The following SYNJ1 variants were observed in gnomAD, a reference collection of about 807,000 sequenced individuals.
SYNJ1 encodes polyphosphatidylinositol phosphatase SYNJ1.
SYNJ1 carries 78 observed loss-of-function variants against 168.2 expected under a neutral mutation model. The ratio of observed to expected loss-of-function variants is 0.46; its 90% CI spans 0.39 to 0.56. SYNJ1 has a LOEUF of 0.56. SYNJ1 is among the 20% of genes least tolerant of loss of function. The pLI, the probability that SYNJ1 is intolerant of heterozygous loss-of-function variation, is 0.00. For synonymous variants in SYNJ1, 539 were observed against 548.6 expected (o/e 0.98, Z 0.24); for missense variants, 1,303 against 1,597.6 (o/e 0.82, Z 3.14).
At chr21:32,659,756 A>C (rs990675272) in intron 18 of SYNJ1, among the ~76,000 whole-genome samples, 2 of 152,208 alleles carry the variant, frequency 1.3e-5, no homozygotes, top group African/African-American at 4.8e-5. Flanking sequence ...CGATGCTCCC[A>C]GCTGAATAAA....
intron 20 of SYNJ1, 45 bp downstream of exon 20, chr21:32,656,950 GTGTATTTC>G (rs776784376): frequency 4.3e-6 from 7 of 1,610,364 alleles, no homozygotes; most frequent in Non-Finnish European, 5.1e-6. Flanking sequence ...TTTTAAAAGG[GTGTATTTC>G]AAACAAATTT....
At position 32,694,235 on chromosome 21, in the gene SYNJ1, C is replaced by A; in HGVS notation, c.782G>T (p.Gly261Val). 6.5e-7 allele frequency: 1 copy of A among 1,531,032 alleles called. No individual in the cohort carries two copies. Among genetic ancestry groups the A allele is most frequent in the Non-Finnish European group, 8.7e-7 (1 of 1,145,754 alleles). The allele number at this position is 1,531,032 out of a possible 1,614,324, so 94.8% of individuals were successfully genotyped here. A position where few individuals can be genotyped will look rare whatever the true frequency, so the allele number is the denominator to read the frequency against. The change falls in exon 6 of 33, where the codon GGG (glycine) becomes GTG (valine). Residue 261 changes from glycine (G) to valine (V), a missense_variant. By Grantham distance (109) the Gly-to-Val change is moderately radical (BLOSUM62 -3). Transcript: ENST00000674351. ...GSVPLFWEQP[G>V]LQVGSHRVRM... ...TGAATGTCAAACACATACTTGCAAC[C>A]CTGGTTGCTCCCAGAACAATGGAAC...
At chr21:32,727,020 G>T in intron 1 of SYNJ1, 103 bp from the exon 2 acceptor site, 1 of 1,469,304 alleles carries the variant, frequency 6.8e-7, no homozygotes, top group Non-Finnish European at 9.1e-7. Flanking sequence ...TTTGATGGGG[G>T]GTTGGGGTGG....
At chr21:32,673,256 T>G in intron 14 of SYNJ1, 84 bp downstream of exon 14, 1 of 1,203,192 alleles carries the variant, frequency 8.3e-7, no homozygotes, top group Non-Finnish European at 1.1e-6. Context: ...AATTAATGCA[T>G]CCTCTGAAGT....
chr21:32,679,220 C>G (rs2041529873), intron 11 of SYNJ1, among the ~76,000 whole-genome samples: 1 of 151,982 alleles, frequency 6.6e-6, no homozygotes, highest in Admixed American at 6.6e-5. Context: ...GCTTAACTGC[C>G]CCTAGAAAAA....
At chr21:32,708,767 T>C (rs2042708949) in intron 2 of SYNJ1, among the ~76,000 whole-genome samples, 1 of 152,140 alleles carries the variant, frequency 6.6e-6, no homozygotes, top group African/African-American at 2.4e-5. Flanking sequence ...GTACCTTTTT[T>C]TTTTTTCATT....
intron 23 of SYNJ1, among the ~76,000 whole-genome samples, chr21:32,647,765 A>G (rs934317455): frequency 3.3e-5 from 5 of 152,188 alleles, no homozygotes; most frequent in Non-Finnish European, 5.9e-5. Context: ...TAACACTTGG[A>G]TTGCTGACTG....
At chr21:32,639,277 A>G (rs1427526225) in intron 30 of SYNJ1, 152 bp from the exon 31 acceptor site, 2 of 712,972 alleles carry the variant, frequency 2.8e-6, no homozygotes, top group Non-Finnish European at 4.5e-6. Context: ...GGATATAGCT[A>G]TCTGAATATA....
intron 12 of SYNJ1, among the ~76,000 whole-genome samples, chr21:32,677,086 G>C (rs551685479): frequency 5.9e-5 from 9 of 152,176 alleles, no homozygotes; most frequent in Admixed American, 1.3e-4. Context: ...GAATAATGGA[G>C]AAAGGGATAT....
rs114053718 is a variant in SYNJ1 at position 32,656,885 on chromosome 21, A to G, written c.2597T>C (p.Ile866Thr). The change falls in exon 21 of 33, where the codon ATT (isoleucine) becomes ACT (threonine). Residue 866 changes from isoleucine (I) to threonine (T), a missense_variant. By Grantham distance (89) the Ile-to-Thr change is moderately conservative. Coordinates refer to ENST00000674351, the MANE Select transcript of SYNJ1 (RefSeq NM_203446.3). ...TSDHRPVVAL[I>T]DIDIFEVEAE... ...TTCAACTTCAAATATATCTATATCA[A>G]TCAGGGCAACGACAGGCCTTAAGGC... 131 of 1,614,186 alleles carry G rather than the reference A, an allele frequency of 8.1e-5. 1 individual carries two copies. The highest frequency in any genetic ancestry group is 7.7e-4 in the African/African-American group (58 of 75,070).
At chr21:32,697,467 A>C (rs1181853711) in intron 4 of SYNJ1, among the ~76,000 whole-genome samples, 2 of 150,796 alleles carry the variant, frequency 1.3e-5, no homozygotes, top group African/African-American at 2.4e-5. Context: ...CTTTTATCTG[A>C]CTTTGCCCCC....
rs375181120 is a variant in SYNJ1, at chr21:32,692,801, T to C, written c.789+1427A>G. Among the ~76,000 whole-genome samples the C allele has an allele frequency of 3.4e-4, 51 of 151,746 alleles. 1 individual carries two copies. The highest frequency in any genetic ancestry group is 2.9e-3 in the Admixed American group (44 of 15,248). ...GTACAGTGGCTCAGGCCTGTAATCC[T>C]AGCATTTTGGGAGGCCAAGGCAGGA... On this transcript the variant is annotated intron_variant, in intron 6 of 32. Coordinates refer to ENST00000674351, the MANE Select transcript of SYNJ1 (RefSeq NM_203446.3).
At chr21:32,682,684 AC>A (rs34430442) in intron 10 of SYNJ1, among the ~76,000 whole-genome samples, 2 of 152,146 alleles carry the variant, frequency 1.3e-5, no homozygotes, top group South Asian at 4.1e-4. Flanking sequence ...TAACCTGTCA[AC>A]CAATTGCTAT....
chr21:32,641,361 T>C (rs2039826302), intron 29 of SYNJ1, among the ~76,000 whole-genome samples: 1 of 152,084 alleles, frequency 6.6e-6, no homozygotes, highest in African/African-American at 2.4e-5. Flanking sequence ...CATATAAACA[T>C]ACAGAAAAGA....
Position 32,629,781 on chromosome 21 carries a change from A to G in SYNJ1, c.*2024T>C, listed in dbSNP as rs2039251730. The G allele has an allele frequency of 6.6e-6, 1 of 152,428 alleles. No homozygotes were observed. The highest frequency in any genetic ancestry group is 2.4e-5 in the African/African-American group (1 of 41,470). The allele number at this position is 152,428 out of a possible 1,614,324, so 9.4% of individuals were successfully genotyped here. On this transcript the variant is annotated 3_prime_UTR_variant, in exon 33 of 33. Coordinates refer to ENST00000674351, the MANE Select transcript of SYNJ1 (RefSeq NM_203446.3). Reference sequence around the variant, plus strand: ...ACTACATTCTGTAAAAATTCTGTGTACTTCTTCAAAAAATTAATAAAAGCG... The same window carrying G: ...ACTACATTCTGTAAAAATTCTGTGTGCTTCTTCAAAAAATTAATAAAAGCG...
intron 2 of SYNJ1, among the ~76,000 whole-genome samples, chr21:32,709,409 G>A (rs567565879): frequency 1.7e-3 from 254 of 150,432 alleles, no homozygotes; most frequent in Non-Finnish European, 2.9e-3. Context: ...GCCGGCAGGC[G>A]GAGGTAGTAG....
intron 14 of SYNJ1, chr21:32,670,903 G>T: frequency 1.3e-6 from 1 of 767,300 alleles, no homozygotes; most frequent in South Asian, 6.0e-5. Flanking sequence ...CTGTCTAGCT[G>T]CTGGCACTCT....
chr21:32,662,847 C>G (rs2145899454), intron 18 of SYNJ1, among the ~76,000 whole-genome samples: 1 of 152,166 alleles, frequency 6.6e-6, no homozygotes, highest in Admixed American at 6.5e-5. Flanking sequence ...GACAATGTAA[C>G]CCCTTAGAGC....
At position 32,646,468 on chromosome 21, in the gene SYNJ1, C is replaced by T. The variant is rs777669288; in HGVS notation, c.3172G>A (p.Glu1058Lys). The T allele has an allele frequency of 6.2e-7, 1 of 1,614,152 alleles. No individual in the cohort carries two copies. Among genetic ancestry groups the T allele is most frequent in the Non-Finnish European group, 8.5e-7 (1 of 1,180,028 alleles). Residue 1058 changes from glutamate (E) to lysine (K), a missense_variant, in exon 24 of 33, where the codon GAG becomes AAG. Physicochemically the swap from Glu to Lys is moderately conservative, Grantham distance 56. Around this residue, in one of 2 missense-constraint regions of SYNJ1, gnomAD observed 383 missense variants for 388.8 expected, o/e 0.99. Coordinates refer to ENST00000674351, the MANE Select transcript of SYNJ1 (RefSeq NM_203446.3). ...ATGGGAAGGGAAGGTACAGGACCCT[C>T]TGATATTGTAGGTGACTGGCAGGGA... is the stretch of plus-strand genomic sequence containing the variant. ...TSPCQSPTISEGPVPSLPIRP... is the reference protein window; with the variant it reads ...TSPCQSPTISKGPVPSLPIRP...
Sources: gnomAD v4.1 joint callset for allele counts (sites outside exome capture counted in the v4.1 genomes callset) on GRCh38, gnomAD v4.1.1 for gene constraint, gnomAD v4.1.1 regional missense constraint, MANE v1.5 for transcripts, NCBI Gene and HGNC (gene_info 2026-07-23, HGNC 2026-07-21) for gene names.